Variants in PAK5 observed in about 807,000 individuals in gnomAD.
The protein encoded by PAK5 is serine/threonine-protein kinase PAK 5.
PAK5 carries 16 observed loss-of-function variants against 65.9 expected under a neutral mutation model. That is an observed-to-expected ratio of 0.24 (90% CI 0.16 to 0.37). The LOEUF (loss-of-function observed/expected upper bound fraction) is 0.37. Ranked by LOEUF, PAK5 falls within the 10% of genes least tolerant of loss-of-function variation. The pLI, the probability that PAK5 is intolerant of heterozygous loss-of-function variation, is 1.00. For missense variants in PAK5, 785 were observed against 903.9 expected (o/e 0.87, Z 1.69); for synonymous variants, 371 against 354.9 (o/e 1.05, Z -0.51).
At chr20:9,597,667 A>G (rs140613737) in intron 3 of PAK5, among the ~76,000 whole-genome samples, 227 of 152,328 alleles carry the variant, frequency 1.5e-3, no homozygotes, top group African/African-American at 5.0e-3. Context: ...GCTCTGGCCA[A>G]TGGAATACAG....
chr20:9,753,010 A>C (rs1301073378), intron 1 of PAK5, among the ~76,000 whole-genome samples: 2 of 152,136 alleles, frequency 1.3e-5, no homozygotes, highest in Non-Finnish European at 2.9e-5. Flanking sequence ...AAGTGGCCTC[A>C]GTTATCCTAG....
intron 3 of PAK5, among the ~76,000 whole-genome samples, chr20:9,606,290 C>T (rs149467295): frequency 3.2e-4 from 49 of 152,248 alleles, no homozygotes; most frequent in African/African-American, 8.7e-4. Flanking sequence ...CTGCCTTCCC[C>T]GATGATTGTA....
chr20:9,756,765 T>C (rs6118717), intron 1 of PAK5, among the ~76,000 whole-genome samples: 27,737 of 152,136 alleles, frequency 0.18, 2,632 homozygotes, highest in Middle Eastern at 0.22. Flanking sequence ...TTAAACTTTT[T>C]TGGACAGTGC....
chr20:9,800,641 C>T (rs559607008), intron 1 of PAK5, among the ~76,000 whole-genome samples: 33 of 152,158 alleles, frequency 2.2e-4, no homozygotes, highest in Non-Finnish European at 4.3e-4. Context: ...AGATTTACTT[C>T]CAACTTCTCC....
chr20:9,582,882 G>A (rs1382395542), intron 3 of PAK5, among the ~76,000 whole-genome samples: 2 of 152,260 alleles, frequency 1.3e-5, no homozygotes, highest in South Asian at 4.2e-4. Flanking sequence ...AATGGTTCCA[G>A]CTTTTGTCAC....
intron 4 of PAK5, chr20:9,577,513 TTTA>T (rs2045906811): frequency 6.6e-6 from 1 of 152,144 alleles, no homozygotes; most frequent in Non-Finnish European, 1.5e-5. Flanking sequence ...CCCAGCCTCC[TTTA>T]GGAGTCTCTG....
intron 2 of PAK5, among the ~76,000 whole-genome samples, chr20:9,706,693 A>G (rs575810241): frequency 6.6e-6 from 1 of 150,744 alleles, no homozygotes; most frequent in East Asian, 2.0e-4. Context: ...TGTTTTGTAG[A>G]GATGGGGTTT....
intron 1 of PAK5, among the ~76,000 whole-genome samples, chr20:9,785,485 A>G (rs558271879): frequency 2.0e-5 from 3 of 152,190 alleles, no homozygotes; most frequent in Non-Finnish European, 4.4e-5. Context: ...TTTCAAGTTA[A>G]CAAATTCTTT....
chr20:9,785,404 T>C (rs1294129153), intron 1 of PAK5, among the ~76,000 whole-genome samples: 3 of 152,216 alleles, frequency 2.0e-5, no homozygotes, highest in Admixed American at 2.0e-4. Context: ...TTTAATGTTA[T>C]ATTTCAAAAT....
chr20:9,600,492 T>C (rs895894178), intron 3 of PAK5, among the ~76,000 whole-genome samples: 20 of 152,236 alleles, frequency 1.3e-4, no homozygotes, highest in African/African-American at 2.4e-5. Context: ...AGGATGTCTT[T>C]TCATTTATTT....
chr20:9,555,550 T>C (rs954559867), intron 7 of PAK5, among the ~76,000 whole-genome samples: 6 of 152,208 alleles, frequency 3.9e-5, no homozygotes, highest in African/African-American at 1.4e-4. Flanking sequence ...TCTGACACCG[T>C]GGAGCCTTGC....
rs201893819 is a variant in PAK5, at chr20:9,814,691, AG to A, written c.-162+24070del. On this transcript the variant is annotated intron_variant, in intron 1 of 9. Coordinates refer to ENST00000353224, the MANE Select transcript of PAK5 (RefSeq NM_177990.4). ...AACAAATCAGCTAAATTCTTACTAA[AG>A]TATCTGTCCATTCATAATCTGACTA... is the stretch of plus-strand genomic sequence containing the variant. Among the ~76,000 whole-genome samples the A allele has an allele frequency of 2.5e-3, 386 of 152,308 alleles. 3 individuals are homozygous for A. Among genetic ancestry groups the A allele is most frequent in the African/African-American group, 8.8e-3 (366 of 41,566 alleles).
chr20:9,643,265 T>C (rs1169333807), intron 3 of PAK5, among the ~76,000 whole-genome samples: 1 of 152,246 alleles, frequency 6.6e-6, no homozygotes, highest in Non-Finnish European at 1.5e-5. Flanking sequence ...TAAGTTTCCA[T>C]GATGTTTAAC....
intron 1 of PAK5, among the ~76,000 whole-genome samples, chr20:9,739,172 A>G (rs950545427): frequency 6.6e-6 from 1 of 151,970 alleles, no homozygotes; most frequent in African/African-American, 2.4e-5. Context: ...ATGCCACACC[A>G]CAGTGAAACA....
chr20:9,793,451 T>G (rs1187914540), intron 1 of PAK5, among the ~76,000 whole-genome samples: 1 of 152,108 alleles, frequency 6.6e-6, no homozygotes, highest in Non-Finnish European at 1.5e-5. Context: ...GTTCTAGAAT[T>G]GTGAAACAAG....
chr20:9,619,665 T>TAC (rs2046734879), intron 3 of PAK5, among the ~76,000 whole-genome samples: 2 of 152,242 alleles, frequency 1.3e-5, no homozygotes, highest in South Asian at 4.1e-4. Context: ...CCTATTGAGG[T>TAC]AAAGTACTGG....
At chr20:9,711,749 T>C (rs938825771) in intron 1 of PAK5, among the ~76,000 whole-genome samples, 1 of 152,332 alleles carries the variant, frequency 6.6e-6, no homozygotes, top group East Asian at 1.9e-4. Flanking sequence ...ACTGTGCCTT[T>C]GGTTCCTGAA....
chr20:9,542,336 C>T (rs1407584575), intron 9 of PAK5, among the ~76,000 whole-genome samples: 1 of 152,156 alleles, frequency 6.6e-6, no homozygotes, highest in East Asian at 1.9e-4. Flanking sequence ...CTCTTCTAAC[C>T]AACCCTTTGG....
intron 4 of PAK5, among the ~76,000 whole-genome samples, chr20:9,567,406 T>C (rs2045701074): frequency 6.6e-6 from 1 of 152,196 alleles, no homozygotes; most frequent in Non-Finnish European, 1.5e-5. Context: ...TCTATTCTAA[T>C]ATAGTAGCTA....
Sources: allele counts gnomAD v4.1 joint callset (sites outside exome capture counted in the v4.1 genomes callset), GRCh38; gene constraint gnomAD v4.1.1; transcripts MANE v1.5; gene names NCBI Gene and HGNC (gene_info 2026-07-23, HGNC 2026-07-21).